Variants in SHISA9 observed in about 807,000 individuals in gnomAD.
SHISA9 encodes the protein protein shisa-9.
Under a neutral mutation model 38.0 loss-of-function variants are expected in SHISA9, and 13 were observed. The ratio of observed to expected loss-of-function variants is 0.34; its 90% CI spans 0.22 to 0.54. SHISA9 has a LOEUF of 0.54. SHISA9 is among the 20% of genes least tolerant of loss of function. SHISA9 has a pLI of 0.91. For synonymous variants in SHISA9, 275 were observed against 242.0 expected (o/e 1.14, Z -1.27); for missense variants, 538 against 575.8 (o/e 0.93, Z 0.67).
chr16:13,049,500 G>A (rs571428277), intron 2 of SHISA9, among the ~76,000 whole-genome samples: 1 of 152,248 alleles, frequency 6.6e-6, no homozygotes, highest in Admixed American at 6.5e-5. Context: ...CCCAAGGGAG[G>A]AAAATGTGTC....
At chr16:13,233,385 CTT>C (rs1190305420) in intron 4 of SHISA9, among the ~76,000 whole-genome samples, 1 of 152,144 alleles carries the variant, frequency 6.6e-6, no homozygotes, top group Non-Finnish European at 1.5e-5. Context: ...TGGTAAAACT[CTT>C]TTGTAGAATA....
At chr16:13,258,742 C>T in the SHISA9 span, among the ~76,000 whole-genome samples, 1 of 152,174 alleles carries the variant, frequency 6.6e-6, no homozygotes, top group Admixed American at 6.5e-5. Context: ...CCCTGATAAA[C>T]CCATCAGATT....
chr16:13,058,170 A>T (rs887847230), intron 2 of SHISA9, among the ~76,000 whole-genome samples: 3 of 152,144 alleles, frequency 2.0e-5, no homozygotes, highest in Non-Finnish European at 4.4e-5. Flanking sequence ...CTTTTTTTTA[A>T]AAAGATGCTT....
At chr16:13,083,479 A>G (rs912409074) in intron 2 of SHISA9, among the ~76,000 whole-genome samples, 2 of 152,186 alleles carry the variant, frequency 1.3e-5, no homozygotes, top group East Asian at 3.9e-4. Flanking sequence ...CACTTTCCAG[A>G]GAAGGGTAGT....
intron 2 of SHISA9, among the ~76,000 whole-genome samples, chr16:13,094,358 C>T (rs2073805285): frequency 6.6e-6 from 1 of 152,138 alleles, no homozygotes; most frequent in Non-Finnish European, 1.5e-5. Flanking sequence ...TAAATATACT[C>T]ATTCTTATAA....
At chr16:13,520,707 T>TA in the SHISA9 span, among the ~76,000 whole-genome samples, 3 of 142,436 alleles carry the variant, frequency 2.1e-5, no homozygotes, top group Non-Finnish European at 4.5e-5. Flanking sequence ...AGGAGAAGAG[T>TA]AAAGGCATAT....
chr16:12,971,728 G>C (rs1191889478), intron 2 of SHISA9, among the ~76,000 whole-genome samples: 1 of 152,146 alleles, frequency 6.6e-6, no homozygotes, highest in African/African-American at 2.4e-5. Context: ...TGTTGTAGGG[G>C]TGGATCTTTG....
At chr16:13,233,538 C>T (rs1227967574) in intron 4 of SHISA9, among the ~76,000 whole-genome samples, 2 of 152,178 alleles carry the variant, frequency 1.3e-5, no homozygotes, top group African/African-American at 2.4e-5. Flanking sequence ...TCAGGTCTCA[C>T]GGTTTCTGTC....
the SHISA9 span, among the ~76,000 whole-genome samples, chr16:13,426,726 A>G: frequency 5.9e-5 from 9 of 152,366 alleles, no homozygotes; most frequent in Non-Finnish European, 1.0e-4. Flanking sequence ...TTCAGACCAC[A>G]TCAAAAAATA....
intron 2 of SHISA9, among the ~76,000 whole-genome samples, chr16:13,156,722 A>C (rs2050550793): frequency 8.0e-6 from 1 of 124,556 alleles, no homozygotes; most frequent in Admixed American, 8.9e-5. Flanking sequence ...CAACAGAGTG[A>C]GACTCCGTCT....
intron 2 of SHISA9, among the ~76,000 whole-genome samples, chr16:13,117,100 G>A (rs975255253): frequency 4.6e-5 from 7 of 152,132 alleles, no homozygotes; most frequent in Non-Finnish European, 1.0e-4. Flanking sequence ...AGCCTCCCGA[G>A]TAGCTGGGAT....
At chr16:13,303,978 G>C in the SHISA9 span, among the ~76,000 whole-genome samples, 17 of 151,838 alleles carry the variant, frequency 1.1e-4, no homozygotes, top group African/African-American at 4.1e-4. Flanking sequence ...AATTTTTAAA[G>C]GGTGATATTA....
At chr16:12,947,934 A>C (rs1004100275) in intron 2 of SHISA9, among the ~76,000 whole-genome samples, 1 of 152,196 alleles carries the variant, frequency 6.6e-6, no homozygotes, top group Non-Finnish European at 1.5e-5. Flanking sequence ...CTGAATCGAC[A>C]GGGTTTAGAA....
chr16:13,300,129 G>T, the SHISA9 span, among the ~76,000 whole-genome samples: 1 of 152,074 alleles, frequency 6.6e-6, no homozygotes, highest in Admixed American at 6.6e-5. Flanking sequence ...AGAATGAGAG[G>T]TGATGGAGGC....
At chr16:13,142,416 G>C (rs1413353845) in intron 2 of SHISA9, among the ~76,000 whole-genome samples, 1 of 152,134 alleles carries the variant, frequency 6.6e-6, no homozygotes, top group Admixed American at 6.6e-5. Context: ...GGTTTCACTG[G>C]GTTTTCATGC....
chr16:13,285,462 GTTTTTT>G, the SHISA9 span, among the ~76,000 whole-genome samples: 1 of 95,784 alleles, frequency 1.0e-5, no homozygotes, highest in Non-Finnish European at 2.0e-5. Context: ...TTCAGGTGTA[GTTTTTT>G]TTTTTTTTTT....
intron 4 of SHISA9, among the ~76,000 whole-genome samples, chr16:13,215,498 C>T (rs1329081582): frequency 6.6e-6 from 1 of 152,134 alleles, no homozygotes; most frequent in Non-Finnish European, 1.5e-5. Context: ...GACAGACCTC[C>T]TAATTTGAGG....
chr16:13,300,556 G>A, the SHISA9 span, among the ~76,000 whole-genome samples: 519 of 152,230 alleles, frequency 3.4e-3, no homozygotes, highest in Middle Eastern at 6.8e-3. Context: ...AGAACTGGGC[G>A]ATTATTGAAG....
intron 1 of SHISA9, among the ~76,000 whole-genome samples, chr16:12,908,146 A>G (rs1322318564): frequency 4.5e-5 from 2 of 44,078 alleles, no homozygotes; most frequent in Admixed American, 2.7e-4. Flanking sequence ...TTACCCTTTT[A>G]TCATCATCCT....
Sources: gnomAD v4.1 joint callset for allele counts (sites outside exome capture counted in the v4.1 genomes callset) on GRCh38, gnomAD v4.1.1 for gene constraint, MANE v1.5 for transcripts, NCBI Gene and HGNC (gene_info 2026-07-23, HGNC 2026-07-21) for gene names.